DNAH17: variants seen among roughly 807,000 people sequenced by gnomAD.
DNAH17 encodes the protein axonemal beta dynein heavy chain 17.
DNAH17 carries 376 observed loss-of-function variants against 485.6 expected under a neutral mutation model. The ratio of observed to expected loss-of-function variants is 0.77; its 90% CI spans 0.71 to 0.84. DNAH17 has a LOEUF of 0.84. Ranked by LOEUF, DNAH17 falls within the 40% of genes least tolerant of loss-of-function variation. The probability of loss-of-function intolerance (pLI) is 0.00; values close to 1 mark genes in which losing one functional copy is unlikely to be tolerated. For synonymous variants in DNAH17, 3,031 were observed against 2,405.9 expected (o/e 1.26, Z -7.60); for missense variants, 6,370 against 5,839.3 (o/e 1.09, Z -2.96).
intron 9 of DNAH17, among the ~76,000 whole-genome samples, chr17:78,568,790 C>T (rs566326796): frequency 1.3e-5 from 2 of 152,296 alleles, no homozygotes; most frequent in South Asian, 2.1e-4. Context: ...TGCGTCACTC[C>T]GTGTATCCAC....
chr17:78,574,210 C>G (rs896354657), intron 2 of DNAH17, among the ~76,000 whole-genome samples: 7 of 152,164 alleles, frequency 4.6e-5, no homozygotes, highest in African/African-American at 1.4e-4. Context: ...AGGTCTGTGG[C>G]CGGGCATGAT....
intron 14 of DNAH17, among the ~76,000 whole-genome samples, chr17:78,555,603 T>C (rs2092004948): frequency 6.8e-6 from 1 of 147,222 alleles, no homozygotes; most frequent in Admixed American, 6.8e-5. Flanking sequence ...ATCAGTGTGA[T>C]GACGGAAGCA....
In DNAH17 at chr17:78,479,620, C is replaced by G; in HGVS notation, c.7765G>C (p.Val2589Leu). 4 of 1,613,138 alleles carry G rather than the reference C, an allele frequency of 2.5e-6. 1 individual carries two copies. The Middle Eastern group carries it at 6.6e-4, about 268-fold the overall frequency. ...IDSRLQRHFCVFAVSFPGQEA... is the reference protein window; with the variant it reads ...IDSRLQRHFCLFAVSFPGQEA... Reference sequence around the variant, plus strand: ...TGGCCGGGGAAGCTCACAGCAAACACGCAGAAATGGCGCTACCCCAAAACA... The same window carrying G: ...TGGCCGGGGAAGCTCACAGCAAACAGGCAGAAATGGCGCTACCCCAAAACA... Residue 2589 changes from valine (V) to leucine (L), a missense_variant, in exon 50 of 81, where the codon GTG (valine) becomes CTG (leucine). Coordinates refer to ENST00000389840, the MANE Select transcript of DNAH17 (RefSeq NM_173628.4).
chr17:78,547,401 C>A (rs1388021330), intron 16 of DNAH17, among the ~76,000 whole-genome samples: 1 of 152,152 alleles, frequency 6.6e-6, no homozygotes, highest in East Asian at 1.9e-4. Flanking sequence ...AAAAGGCTGC[C>A]TGATTTTTGT....
At chr17:78,572,579 A>T in intron 3 of DNAH17, 122 bp downstream of exon 3, 1 of 922,882 alleles carries the variant, frequency 1.1e-6, no homozygotes, top group Non-Finnish European at 1.6e-6. Flanking sequence ...CGGCTTTAAC[A>T]TGTGAAGCCA....
At chr17:78,512,179 C>T (rs536775512) in intron 26 of DNAH17, among the ~76,000 whole-genome samples, 18 of 152,340 alleles carry the variant, frequency 1.2e-4, no homozygotes, top group East Asian at 5.8e-4. Context: ...TGCATAGGTA[C>T]GGATCTCTTG....
chr17:78,548,314 C>T (rs921885680), intron 16 of DNAH17, among the ~76,000 whole-genome samples: 1 of 145,982 alleles, frequency 6.9e-6, no homozygotes, highest in Non-Finnish European at 1.5e-5. Flanking sequence ...ACAACATTCT[C>T]CTGCCTCAGC....
chr17:78,453,855 G>A (rs879870950), intron 64 of DNAH17, among the ~76,000 whole-genome samples: 2 of 151,660 alleles, frequency 1.3e-5, no homozygotes, highest in South Asian at 2.1e-4. Context: ...ACCCAACTAG[G>A]TTTTTTTTGT....
intron 21 of DNAH17, among the ~76,000 whole-genome samples, chr17:78,529,919 CA>C (rs1051979744): frequency 6.6e-6 from 1 of 152,220 alleles, no homozygotes; most frequent in Non-Finnish European, 1.5e-5. Flanking sequence ...AGCCCATCCT[CA>C]AGTCCCAAGC....
intron 16 of DNAH17, among the ~76,000 whole-genome samples, chr17:78,544,366 G>A (rs2143488900): frequency 6.6e-6 from 1 of 152,296 alleles, no homozygotes; most frequent in South Asian, 2.1e-4. Flanking sequence ...ATACTGGGTG[G>A]ATCGTCCATA....
chr17:78,477,666 T>G (rs888698936), intron 51 of DNAH17, among the ~76,000 whole-genome samples: 6 of 152,140 alleles, frequency 3.9e-5, no homozygotes, highest in African/African-American at 1.4e-4. Flanking sequence ...CATGAACCAC[T>G]GCACCCGGCT....
At chr17:78,455,570 G>A (rs112562857) in intron 63 of DNAH17, 74 bp downstream of exon 63, 38,822 of 1,194,124 alleles carry the variant, frequency 0.033, 776 homozygotes, top group Middle Eastern at 0.076. Flanking sequence ...CAAGTAATCC[G>A]CCCGCCTCGG....
intron 17 of DNAH17, among the ~76,000 whole-genome samples, chr17:78,540,163 C>G (rs894433167): frequency 6.6e-6 from 1 of 151,818 alleles, no homozygotes; most frequent in African/African-American, 2.4e-5. Context: ...CTCTAGCAAA[C>G]TGTTATTTAT....
intron 75 of DNAH17, among the ~76,000 whole-genome samples, chr17:78,430,044 C>G (rs1175403148): frequency 2.0e-5 from 3 of 152,240 alleles, no homozygotes; most frequent in African/African-American, 7.2e-5. Context: ...CGCCGCCGTT[C>G]CCACTCCCTT....
intron 75 of DNAH17, among the ~76,000 whole-genome samples, chr17:78,429,737 G>A (rs2086608846): frequency 6.6e-6 from 1 of 152,192 alleles, no homozygotes; most frequent in South Asian, 2.1e-4. Context: ...TTCAACACAA[G>A]TGGTTTGATT....
rs775709210 is a variant in DNAH17 at position 78,441,106 on chromosome 17, T to G, written c.11622A>C (p.Ser3874=). ...KSYEESSPST[S]IFFILSPGVD... is the part of the protein sequence containing the mutation. ...CCCCCGGGGAGAGGATGAAGAAGAT[T>G]GACGTGGAGGGGCTGCTCTCCTCGT... Residue 3874 remains serine, a synonymous_variant, in exon 72 of 81, where the codon TCA becomes TCC. Coordinates refer to ENST00000389840, the MANE Select transcript of DNAH17 (RefSeq NM_173628.4). 90 of 1,613,472 alleles carry G rather than the reference T, an allele frequency of 5.6e-5. No individual in the cohort carries two copies. The South Asian group carries it at 9.5e-4, about 17-fold the overall frequency.
At chr17:78,528,249 C>G (rs1351918798) in intron 22 of DNAH17, among the ~76,000 whole-genome samples, 1 of 152,100 alleles carries the variant, frequency 6.6e-6, no homozygotes, top group Non-Finnish European at 1.5e-5. Context: ...GGCTGAGAAC[C>G]TGCTCAGTCC....
intron 19 of DNAH17, among the ~76,000 whole-genome samples, chr17:78,533,669 C>A (rs1182296279): frequency 2.0e-5 from 3 of 152,134 alleles, no homozygotes; most frequent in Non-Finnish European, 4.4e-5. Context: ...TTATTGTCTG[C>A]ATCTTATGAA....
Position 78,537,337 on chromosome 17 carries a change from G to T in DNAH17, c.2821C>A (p.Leu941Ile). Residue 941 changes from leucine to isoleucine, a missense_variant, in exon 19 of 81, where the codon CTC (leucine) becomes ATC (isoleucine). By Grantham distance (5) the Leu-to-Ile change is conservative. Transcript: ENST00000389840. ...LVNDIYNVAR[L>I]IPRLAKDRMN... ...CTGTCCTTGGCCAGCCGAGGGATGA[G>T]CCTGGCTACGTTGTAGATGTCGTTG... is the stretch of plus-strand genomic sequence containing the variant. 2 of 1,597,480 alleles carry T rather than the reference G, an allele frequency of 1.3e-6. No homozygotes were observed. Among genetic ancestry groups the T allele is most frequent in the East Asian group, 2.3e-5 (1 of 44,072 alleles).
Sources: allele counts gnomAD v4.1 joint callset (sites outside exome capture counted in the v4.1 genomes callset), GRCh38; gene constraint gnomAD v4.1.1; transcripts MANE v1.5; gene names NCBI Gene and HGNC (gene_info 2026-07-23, HGNC 2026-07-21).